The following CAMTA1 variants were observed in gnomAD, a reference collection of about 807,000 sequenced individuals.
CAMTA1 encodes calmodulin-binding transcription activator 1.
A neutral mutation model predicts 170.9 loss-of-function variants in CAMTA1; 27 were observed. The ratio of observed to expected loss-of-function variants is 0.16; its 90% confidence interval spans 0.12 to 0.22. The LOEUF (loss-of-function observed/expected upper bound fraction) is 0.22. Ranked by LOEUF, CAMTA1 falls within the 10% of genes least tolerant of loss-of-function variation. The pLI is 1.00. For synonymous variants in CAMTA1, 833 were observed against 891.5 expected (o/e 0.93, Z 1.17); for missense variants, 1,619 against 2,217.2 (o/e 0.73, Z 5.42).
At position 7,732,425 on chromosome 1, in the gene CAMTA1, C is replaced by G; in HGVS notation, c.2915-23C>G. 6.2e-7 allele frequency: 1 copy of G among 1,607,244 alleles called. No individual in the cohort carries two copies. Among genetic ancestry groups the G allele is most frequent in the Non-Finnish European group, 8.5e-7 (1 of 1,174,128 alleles). On this transcript the variant is annotated intron_variant, in intron 11 of 22. Coordinates refer to ENST00000303635, the MANE Select transcript of CAMTA1 (RefSeq NM_015215.4). The surrounding 1 kb of genome is among the most constrained non-coding windows in gnomAD (Gnocchi z 4.1). The stretch of plus-strand genomic sequence containing the variant: ...GCTTTTCTTCCAGAACACAACCTCA[C>G]TCTTCCTCCTGCTCTGCCCTAGATA...
At chr1:6,808,975 A>G (rs60627836) in intron 1 of CAMTA1, among the ~76,000 whole-genome samples, 2,603 of 151,808 alleles carry the variant, frequency 0.017, 35 homozygotes, top group South Asian at 0.033. Flanking sequence ...CAAGGCAGGT[A>G]TATTTGGGGA....
Position 7,248,499 on chromosome 1 carries a change from G to A in CAMTA1, c.303-992G>A, listed in dbSNP as rs1047057811. On this transcript the variant is annotated intron_variant, in intron 4 of 22. Transcript: ENST00000303635. This position sits in a 1 kb window ranked among gnomAD's most constrained non-coding sequence, Gnocchi z 4.0. ...CAGGTGCAGAGTGGTGCAGCACTGC[G>A]TGGGGTGCTGCTAGATTTTGGGGGA... 1.9e-4 allele frequency among the ~76,000 whole-genome samples: 29 copies of A among 152,318 alleles called. No homozygotes were observed. The highest frequency in any genetic ancestry group is 5.3e-4 in the African/African-American group (22 of 41,574).
In CAMTA1 at chr1:7,293,643, A is replaced by AG. The variant is rs1673485134; in HGVS notation, c.438+44023dup. Reference sequence around the variant, plus strand: ...ATGCTTGGTATTTCAATAAGATTGAAGGGGGGTGGAAATAGATTGCATCCC... The same window carrying AG: ...ATGCTTGGTATTTCAATAAGATTGAAGGGGGGGTGGAAATAGATTGCATCCC... On this transcript the variant is annotated intron_variant, in intron 5 of 22. Transcript: ENST00000303635. This position sits in a 1 kb window ranked among gnomAD's most constrained non-coding sequence, Gnocchi z 4.1. Among the ~76,000 whole-genome samples the AG allele has an allele frequency of 6.6e-6, 1 of 152,216 alleles. No homozygotes were observed. Among genetic ancestry groups the AG allele is most frequent in the Admixed American group, 6.5e-5 (1 of 15,282 alleles).
chr1:7,643,936 A>G (rs1186045493), intron 7 of CAMTA1, among the ~76,000 whole-genome samples: 1 of 152,154 alleles, frequency 6.6e-6, no homozygotes, highest in Non-Finnish European at 1.5e-5. Context: ...AGCCAAGAAG[A>G]CCTCAGATTT....
At position 7,570,154 on chromosome 1, in the gene CAMTA1, T is replaced by C. The variant is rs1378660137; in HGVS notation, c.511-70246T>C. Among the ~76,000 whole-genome samples, 1 of 152,004 alleles carries C rather than the reference T, an allele frequency of 6.6e-6. No homozygotes were observed. Among genetic ancestry groups the C allele is most frequent in the South Asian group, 2.1e-4 (1 of 4,816 alleles). On this transcript the variant is annotated intron_variant, in intron 6 of 22. Transcript: ENST00000303635. The surrounding 1 kb of genome is among the most constrained non-coding windows in gnomAD (Gnocchi z 4.3). Reference sequence around the variant, plus strand: ...AGATCAGGGATCCCTTGCTGGGCACTGGGGGGATCCAAAACTCCCTGCAGG... The same window carrying C: ...AGATCAGGGATCCCTTGCTGGGCACCGGGGGGATCCAAAACTCCCTGCAGG...
At chr1:7,105,024 C>T (rs1265994342) in intron 4 of CAMTA1, among the ~76,000 whole-genome samples, 1 of 152,162 alleles carries the variant, frequency 6.6e-6, no homozygotes, top group Non-Finnish European at 1.5e-5. Flanking sequence ...CAGTGTGTGT[C>T]TGGGAATATC....
chr1:7,143,838 CAT>C (rs1646026542), intron 4 of CAMTA1, among the ~76,000 whole-genome samples: 1 of 152,212 alleles, frequency 6.6e-6, no homozygotes, highest in Non-Finnish European at 1.5e-5. Context: ...CATATAAAGT[CAT>C]ATGTCTATAC....
intron 5 of CAMTA1, among the ~76,000 whole-genome samples, chr1:7,363,666 T>C (rs2085738068): frequency 6.6e-6 from 1 of 152,188 alleles, no homozygotes; most frequent in Non-Finnish European, 1.5e-5. Context: ...TTAGCAGGTC[T>C]ATTTTTGGCC....
At chr1:7,117,343 G>A (rs940830787) in intron 4 of CAMTA1, among the ~76,000 whole-genome samples, 3 of 152,104 alleles carry the variant, frequency 2.0e-5, no homozygotes, top group African/African-American at 7.2e-5. Context: ...AGTACAGCCA[G>A]CACAGCACGT....
At chr1:7,096,983 T>C (rs1642160978) in intron 4 of CAMTA1, among the ~76,000 whole-genome samples, 1 of 152,204 alleles carries the variant, frequency 6.6e-6, no homozygotes, top group East Asian at 1.9e-4. Flanking sequence ...GGGGAGCTGC[T>C]GGCTGCTCTC....
intron 5 of CAMTA1, among the ~76,000 whole-genome samples, chr1:7,326,139 G>A (rs143656644): frequency 9.2e-4 from 140 of 152,262 alleles, no homozygotes; most frequent in African/African-American, 3.1e-3. Flanking sequence ...GATTACAGAC[G>A]TGAGCCACTG....
intron 3 of CAMTA1, among the ~76,000 whole-genome samples, chr1:6,879,875 C>T (rs1671021794): frequency 6.6e-6 from 1 of 151,136 alleles, no homozygotes; most frequent in Admixed American, 6.6e-5. Flanking sequence ...GTTCCTCCTG[C>T]CTTGGCCTCC....
chr1:6,799,944 G>A (rs774670433), intron 1 of CAMTA1, among the ~76,000 whole-genome samples: 1 of 152,090 alleles, frequency 6.6e-6, no homozygotes, highest in Admixed American at 6.5e-5. Flanking sequence ...CAGCTATTCT[G>A]TATAACTGTA....
intron 5 of CAMTA1, among the ~76,000 whole-genome samples, chr1:7,381,185 G>A (rs2087282867): frequency 6.6e-6 from 1 of 151,028 alleles, no homozygotes; most frequent in Admixed American, 6.6e-5. Flanking sequence ...TTAAGTTTTA[G>A]GGTACATGTG....
intron 4 of CAMTA1, among the ~76,000 whole-genome samples, chr1:7,246,176 G>C (rs1665736220): frequency 6.6e-6 from 1 of 152,216 alleles, no homozygotes; most frequent in Non-Finnish European, 1.5e-5. Flanking sequence ...GGCAACTCTG[G>C]AGTCAGACCA....
At chr1:7,193,276 C>A (rs1314804238) in intron 4 of CAMTA1, among the ~76,000 whole-genome samples, 1 of 151,494 alleles carries the variant, frequency 6.6e-6, no homozygotes, top group Non-Finnish European at 1.5e-5. Context: ...TTGCTTGAAC[C>A]AGGAGTTGGA....
At chr1:7,713,836 G>A (rs777005795) in intron 11 of CAMTA1, among the ~76,000 whole-genome samples, 5 of 152,144 alleles carry the variant, frequency 3.3e-5, no homozygotes, top group Non-Finnish European at 7.4e-5. Flanking sequence ...CGCAAGAATT[G>A]TTGTTAAGGG....
At chr1:6,831,101 A>C (rs1649930080) in intron 3 of CAMTA1, among the ~76,000 whole-genome samples, 1 of 152,160 alleles carries the variant, frequency 6.6e-6, no homozygotes, top group African/African-American at 2.4e-5. Flanking sequence ...TACGGACGTG[A>C]GCCATCGCGC....
At chr1:7,677,774 A>G in intron 11 of CAMTA1, 41 bp downstream of exon 11, 2 of 1,593,974 alleles carry the variant, frequency 1.3e-6, no homozygotes, top group South Asian at 1.1e-5. Flanking sequence ...GCACCAAGGG[A>G]GAGGGATGCT....
Sources: gnomAD v4.1 joint callset for allele counts (sites outside exome capture counted in the v4.1 genomes callset) on GRCh38, gnomAD v4.1.1 for gene constraint, Gnocchi (gnomAD v3.1) non-coding constraint, MANE v1.5 for transcripts, NCBI Gene and HGNC (gene_info 2026-07-23, HGNC 2026-07-21) for gene names.